The following CBL variants were observed in gnomAD, a reference collection of about 807,000 sequenced individuals.
CBL encodes the protein Cbl proto-oncogene.
Under a neutral mutation model 96.9 loss-of-function variants are expected in CBL, and 45 were observed. The observed-to-expected ratio is 0.46, with a 90% confidence interval of 0.37 to 0.60. The LOEUF (loss-of-function observed/expected upper bound fraction) is 0.60, where lower values mean the gene tolerates loss of function less well. Among genes scored for constraint, CBL ranks in the 20% least tolerant of loss-of-function variants. The pLI, the probability that CBL is intolerant of heterozygous loss-of-function variation, is 0.00. For missense variants in CBL, 1,024 were observed against 1,143.5 expected, an observed-to-expected ratio of 0.90 and a Z score of 1.51; for synonymous variants, 420 against 426.8, an observed-to-expected ratio of 0.98 and a Z score of 0.20.
At chr11:119,249,666 CT>C (rs767462998) in intron 2 of CBL, among the ~76,000 whole-genome samples, 257 of 105,786 alleles carry the variant, frequency 2.4e-3, no homozygotes, top group Non-Finnish European at 2.5e-3. Context: ...TTCTTTCTTT[CT>C]TTTTTTTTTT....
At position 119,284,441 on chromosome 11, in the gene CBL, G is replaced by C. The variant is rs202224724; in HGVS notation, c.1432-528G>C. 2.6e-5 allele frequency among the ~76,000 whole-genome samples: 4 copies of C among 152,024 alleles called. No homozygotes were observed. In the East Asian group the frequency reaches 7.7e-4, roughly 29 times the overall value. ...CTGTTTTAGCCTCCCAAATAGCTGT[G>C]TGCCACCATGGCCCAGCTAATTTTT... On this transcript the variant is annotated intron_variant, in intron 9 of 15. Coordinates refer to ENST00000264033, the MANE Select transcript of CBL (RefSeq NM_005188.4).
chr11:119,270,656 C>T (rs544063601), intron 2 of CBL, among the ~76,000 whole-genome samples: 27 of 150,620 alleles, frequency 1.8e-4, no homozygotes, highest in Admixed American at 7.3e-4. Flanking sequence ...CCGTTTTAGC[C>T]GGGATGGTCT....
intron 2 of CBL, among the ~76,000 whole-genome samples, chr11:119,249,658 C>A (rs1949656570): frequency 6.7e-6 from 1 of 149,036 alleles, no homozygotes; most frequent in Admixed American, 6.7e-5. Context: ...CAGTTTCTTT[C>A]TTTCTTTCTT....
chr11:119,238,749 T>C (rs1949563992), intron 2 of CBL, among the ~76,000 whole-genome samples: 1 of 152,066 alleles, frequency 6.6e-6, no homozygotes, highest in Admixed American at 6.5e-5. Context: ...GAGAATCTCT[T>C]GAACCCAGGA....
At chr11:119,218,201 G>A (rs1949378662) in intron 1 of CBL, among the ~76,000 whole-genome samples, 1 of 152,240 alleles carries the variant, frequency 6.6e-6, no homozygotes, top group Non-Finnish European at 1.5e-5. Context: ...AAGATGACCC[G>A]GCACTCACAC....
At chr11:119,224,944 T>C (rs1193239348) in intron 1 of CBL, among the ~76,000 whole-genome samples, 1 of 151,962 alleles carries the variant, frequency 6.6e-6, no homozygotes, top group Non-Finnish European at 1.5e-5. Flanking sequence ...AAGAACTTCG[T>C]ATAAGCAGAC....
chr11:119,254,573 G>A (rs1338260485), intron 2 of CBL, among the ~76,000 whole-genome samples: 2 of 151,908 alleles, frequency 1.3e-5, no homozygotes, highest in East Asian at 1.9e-4. Context: ...TAGAAAAGGT[G>A]CAGTAAAAAT....
chr11:119,210,812 T>G (rs1191777706), intron 1 of CBL, among the ~76,000 whole-genome samples: 1 of 151,952 alleles, frequency 6.6e-6, no homozygotes, highest in Non-Finnish European at 1.5e-5. Flanking sequence ...GGCAAACTTT[T>G]TCTGTAAAGG....
In CBL at chr11:119,273,860, C is replaced by G. The variant is rs749291716; in HGVS notation, c.591-8C>G. On this transcript the variant is annotated splice_polypyrimidine_tract_variant and splice_region_variant and intron_variant, in intron 3 of 15. Coordinates refer to ENST00000264033, the MANE Select transcript of CBL (RefSeq NM_005188.4). ...TCACTTTATGCCTCCTCTCCACCCC[C>G]TCCCCAGGACAATAGTCCCTTGGAA... The G allele has an allele frequency of 2.1e-5, 34 of 1,613,194 alleles. No individual in the cohort carries two copies. The highest frequency in any genetic ancestry group is 2.7e-5 in the Non-Finnish European group (32 of 1,179,138).
intron 2 of CBL, among the ~76,000 whole-genome samples, chr11:119,251,123 G>A (rs1251489369): frequency 6.6e-6 from 1 of 152,086 alleles, no homozygotes; most frequent in African/African-American, 2.4e-5. Context: ...TGTGCTTGCT[G>A]TGTGCCTGAT....
intron 1 of CBL, among the ~76,000 whole-genome samples, chr11:119,209,595 C>T (rs890995240): frequency 6.6e-5 from 10 of 151,124 alleles, no homozygotes; most frequent in Non-Finnish European, 1.2e-4. Context: ...CTAGCCTGAG[C>T]GACAGAGTGA....
In CBL at chr11:119,276,141, AC is replaced by A. The variant is rs753118845; in HGVS notation, c.1007+9del. 3 of 1,613,898 alleles carry A rather than the reference AC, an allele frequency of 1.9e-6. No homozygotes were observed. In the African/African-American group the frequency reaches 4.0e-5, roughly 22 times the overall value. The stretch of plus-strand genomic sequence containing the variant: ...ATGGCTTCAGGGAAGGCTTGTGAGT[AC>A]CTACTGCATACCATCTGTTAGAGTC... On this transcript the variant is annotated splice_region_variant and intron_variant, in intron 6 of 15. Coordinates refer to ENST00000264033, the MANE Select transcript of CBL (RefSeq NM_005188.4).
intron 1 of CBL, among the ~76,000 whole-genome samples, chr11:119,207,629 C>T (rs993025100): frequency 6.6e-6 from 1 of 152,148 alleles, no homozygotes; most frequent in Non-Finnish European, 1.5e-5. Flanking sequence ...TGTAGTCAGT[C>T]TCAAGTATTT....
chr11:119,278,169 C>A lies in CBL; in HGVS notation c.1099C>A (p.Gln367Lys), dbSNP rs727504504. ...PQDHIKVTQEQYELYCEMGST... is the reference protein window; with the variant it reads ...PQDHIKVTQEKYELYCEMGST... ...TTTTAATTTTTTTTAATCAAAGGAA[C>A]AATATGAATTATACTGTGAGATGGG... The change falls in exon 8 of 16, where the codon CAA (glutamine) becomes AAA (lysine). Residue 367 changes from glutamine to lysine, a missense_variant. This residue lies in a region of CBL where 695 missense variants were observed against 661.6 expected (regional missense o/e 1.05). Transcript: ENST00000264033. 6.3e-7 allele frequency: 1 copy of A among 1,594,398 alleles called. No individual in the cohort carries two copies. The highest frequency in any genetic ancestry group is 8.6e-7 in the Non-Finnish European group (1 of 1,162,350).
At chr11:119,297,798 G>C (rs1950074365) in intron 14 of CBL, among the ~76,000 whole-genome samples, 1 of 152,318 alleles carries the variant, frequency 6.6e-6, no homozygotes, top group Admixed American at 6.5e-5. Context: ...TCTTTGACAT[G>C]GGCAGTAAAG....
chr11:119,272,697 G>A (rs1949858183), intron 3 of CBL, among the ~76,000 whole-genome samples: 1 of 152,098 alleles, frequency 6.6e-6, no homozygotes, highest in Non-Finnish European at 1.5e-5. Context: ...TGATGAGAAG[G>A]GAGATTGAGC....
At chr11:119,240,121 A>T (rs549344311) in intron 2 of CBL, among the ~76,000 whole-genome samples, 2 of 151,840 alleles carry the variant, frequency 1.3e-5, no homozygotes, top group African/African-American at 4.8e-5. Flanking sequence ...GTGAAACCCC[A>T]TATCTACTAA....
At chr11:119,211,592 C>G (rs1436247805) in intron 1 of CBL, among the ~76,000 whole-genome samples, 3 of 151,488 alleles carry the variant, frequency 2.0e-5, no homozygotes, top group Non-Finnish European at 4.4e-5. Context: ...CAACCTCTGC[C>G]TCCTGGGTTC....
intron 1 of CBL, among the ~76,000 whole-genome samples, chr11:119,217,110 TCAC>T (rs1949368131): frequency 1.3e-5 from 2 of 152,208 alleles, no homozygotes; most frequent in South Asian, 4.1e-4. Flanking sequence ...GCTACTTAAG[TCAC>T]CTAGCTCGTA....
Sources: allele counts gnomAD v4.1 joint callset (sites outside exome capture counted in the v4.1 genomes callset), GRCh38; gene constraint gnomAD v4.1.1; regional missense constraint gnomAD v4.1.1; transcripts MANE v1.5; gene names NCBI Gene and HGNC (gene_info 2026-07-23, HGNC 2026-07-21).